Variants in TBC1D5 observed in about 807,000 individuals in gnomAD.
TBC1D5 encodes the protein TBC1 domain family member 5.
A neutral mutation model predicts 100.3 loss-of-function variants in TBC1D5; 75 were observed. The ratio of observed to expected loss-of-function variants is 0.75; its 90% confidence interval spans 0.62 to 0.91. The LOEUF is 0.91. TBC1D5 is among the 40% of genes least tolerant of loss of function. TBC1D5 has a pLI of 0.00. For synonymous variants in TBC1D5, 323 were observed against 325.6 expected, an observed-to-expected ratio of 0.99 and a Z score of 0.09; for missense variants, 910 against 942.4, an observed-to-expected ratio of 0.97 and a Z score of 0.45.
intron 15 of TBC1D5, among the ~76,000 whole-genome samples, chr3:17,284,329 G>A (rs2149992872): frequency 6.6e-6 from 1 of 152,230 alleles, no homozygotes; most frequent in East Asian, 1.9e-4. Flanking sequence ...CGTTGGCCAG[G>A]CTTGTCTCGA....
At chr3:17,624,731 T>A (rs751244743) in intron 1 of TBC1D5, among the ~76,000 whole-genome samples, 6 of 152,100 alleles carry the variant, frequency 3.9e-5, no homozygotes, top group Non-Finnish European at 7.4e-5. Flanking sequence ...GAACAGGGTA[T>A]CTGTACTATA....
chr3:17,439,785 A>T (rs1440905676), intron 3 of TBC1D5, among the ~76,000 whole-genome samples: 1 of 152,214 alleles, frequency 6.6e-6, no homozygotes, highest in Non-Finnish European at 1.5e-5. Context: ...AAATATGTCA[A>T]TATAATAGCT....
intron 13 of TBC1D5, among the ~76,000 whole-genome samples, chr3:17,352,238 A>C (rs912266110): frequency 6.6e-6 from 1 of 152,070 alleles, no homozygotes; most frequent in Non-Finnish European, 1.5e-5. Flanking sequence ...TTATCGGGGC[A>C]TTATTCTGAC....
chr3:17,248,795 G>A (rs2076956846), intron 16 of TBC1D5, among the ~76,000 whole-genome samples: 2 of 152,150 alleles, frequency 1.3e-5, no homozygotes, highest in Non-Finnish European at 2.9e-5. Context: ...GGCTACGGAA[G>A]TCCTTTGCAG....
intron 13 of TBC1D5, among the ~76,000 whole-genome samples, chr3:17,343,227 T>G (rs1204498920): frequency 7.2e-5 from 11 of 152,212 alleles, no homozygotes; most frequent in African/African-American, 2.4e-4. Context: ...GAGATAATCA[T>G]GTGGTTTTTG....
At chr3:17,204,828 G>A (rs1255552703) in intron 18 of TBC1D5, among the ~76,000 whole-genome samples, 4 of 152,136 alleles carry the variant, frequency 2.6e-5, no homozygotes, top group African/African-American at 9.7e-5. Flanking sequence ...TGCTAAAACT[G>A]TTGAAAATAG....
intron 1 of TBC1D5, among the ~76,000 whole-genome samples, chr3:17,677,260 A>C (rs940367420): frequency 5.3e-5 from 8 of 152,232 alleles, no homozygotes; most frequent in African/African-American, 1.9e-4. Context: ...TCATCTGACA[A>C]AGGGCTAATA....
At chr3:17,211,626 C>T (rs1229276154) in intron 18 of TBC1D5, among the ~76,000 whole-genome samples, 1 of 152,192 alleles carries the variant, frequency 6.6e-6, no homozygotes, top group Non-Finnish European at 1.5e-5. Flanking sequence ...GTAAGTCAAG[C>T]TGCTTCTTTG....
At chr3:17,635,506 C>T (rs1296376420) in intron 1 of TBC1D5, among the ~76,000 whole-genome samples, 1 of 151,982 alleles carries the variant, frequency 6.6e-6, no homozygotes, top group Non-Finnish European at 1.5e-5. Context: ...CATGGAGAAA[C>T]CCCATCTCTA....
At chr3:17,669,387 T>C (rs1225697259) in intron 1 of TBC1D5, among the ~76,000 whole-genome samples, 1 of 152,136 alleles carries the variant, frequency 6.6e-6, no homozygotes, top group East Asian at 1.9e-4. Flanking sequence ...ATAATAATCA[T>C]TTATAATTCA....
At chr3:17,312,358 A>G (rs892408400) in intron 13 of TBC1D5, among the ~76,000 whole-genome samples, 1 of 152,144 alleles carries the variant, frequency 6.6e-6, no homozygotes, top group African/African-American at 2.4e-5. Flanking sequence ...TTTTTTATCT[A>G]ATCAACTATT....
At chr3:17,680,076 A>T (rs1001837634) in intron 1 of TBC1D5, among the ~76,000 whole-genome samples, 2 of 151,510 alleles carry the variant, frequency 1.3e-5, no homozygotes, top group African/African-American at 4.9e-5. Flanking sequence ...AATAGAAAAA[A>T]GTCTGAAGGA....
chr3:17,423,491 C>A (rs1023380238), intron 4 of TBC1D5, among the ~76,000 whole-genome samples: 2 of 152,050 alleles, frequency 1.3e-5, no homozygotes, highest in Non-Finnish European at 2.9e-5. Flanking sequence ...AAGCTCCTAA[C>A]TAAATTATTA....
At chr3:17,621,542 G>A (rs755655944) in intron 2 of TBC1D5, among the ~76,000 whole-genome samples, 30 of 152,166 alleles carry the variant, frequency 2.0e-4, no homozygotes, top group Non-Finnish European at 3.5e-4. Flanking sequence ...TGGGCAATTT[G>A]AGTACCAAAA....
chr3:17,726,169 A>G (rs2076113810), intron 1 of TBC1D5, among the ~76,000 whole-genome samples: 1 of 152,206 alleles, frequency 6.6e-6, no homozygotes, highest in Admixed American at 6.5e-5. Flanking sequence ...CAGTGCTGCA[A>G]TGAACATACG....
intron 2 of TBC1D5, among the ~76,000 whole-genome samples, chr3:17,605,806 A>G (rs1032373453): frequency 6.6e-6 from 1 of 152,236 alleles, no homozygotes; most frequent in African/African-American, 2.4e-5. Flanking sequence ...CTTTGTTAAT[A>G]TCCAATAATG....
In TBC1D5 at chr3:17,706,422, T is replaced by TACACACACAC. The variant is rs34977117; in HGVS notation, c.-101+32911_-101+32920dup. Among the ~76,000 whole-genome samples, 173 of 151,420 alleles carry TACACACACAC rather than the reference T, an allele frequency of 1.1e-3. 1 individual carries two copies. Among genetic ancestry groups the TACACACACAC allele is most frequent in the African/African-American group, 3.8e-3 (156 of 41,308 alleles). ...ATTGTCTCCTAGAATCAACTTTACT[T>TACACACACAC]ACACACACACACACACACGCGCGCG... On this transcript the variant is annotated intron_variant, in intron 1 of 21. Transcript: ENST00000253692.
chr3:17,398,744 A>AC (rs11389760), intron 8 of TBC1D5, among the ~76,000 whole-genome samples: 76,588 of 151,454 alleles, frequency 0.51, 21,164 homozygotes, highest in African/African-American at 0.71. Context: ...CTGCATTGTA[A>AC]TTTTTTTTTC....
At chr3:17,649,642 A>G (rs370772091) in intron 1 of TBC1D5, among the ~76,000 whole-genome samples, 4 of 152,154 alleles carry the variant, frequency 2.6e-5, no homozygotes, top group East Asian at 3.9e-4. Flanking sequence ...GTCAGGAAAC[A>G]ACAGATGCTG....
Sources: allele counts gnomAD v4.1 joint callset (sites outside exome capture counted in the v4.1 genomes callset), GRCh38; gene constraint gnomAD v4.1.1; transcripts MANE v1.5; gene names NCBI Gene and HGNC (gene_info 2026-07-23, HGNC 2026-07-21).